Variants in DDX60L observed in about 807,000 individuals in gnomAD.
The protein encoded by DDX60L is DExD/H-box 60 like.
A neutral mutation model predicts 211.6 loss-of-function variants in DDX60L; 191 were observed. The observed-to-expected ratio is 0.90, with a 90% confidence interval of 0.80 to 1.02. The LOEUF (loss-of-function observed/expected upper bound fraction) is 1.02, where lower values mean the gene tolerates loss of function less well. DDX60L is among the 50% of genes least tolerant of loss of function. The pLI is 0.00. For missense variants in DDX60L, 2,007 were observed against 1,984.1 expected (o/e 1.01, Z -0.22); for synonymous variants, 706 against 694.1 (o/e 1.02, Z -0.27).
In DDX60L at chr4:168,456,048, A is replaced by G; in HGVS notation, c.828T>C (p.His276=). The part of the protein sequence containing the change: ...TSCSLSLRMY[H]RVLVHSNCLS... ...TGTTCTTTTTACTTACTAAGACACG[A>G]TGGTACATTCTCAAGGATAGTGAAC... is the stretch of plus-strand genomic sequence containing the variant. The change falls in exon 7 of 38, where the codon CAT becomes CAC. Residue 276 remains histidine (H), a synonymous_variant. Coordinates refer to ENST00000682922, the MANE Select transcript of DDX60L (RefSeq NM_001012967.3). 1.3e-6 allele frequency: 2 copies of G among 1,585,776 alleles called. No individual in the cohort carries two copies. The highest frequency in any genetic ancestry group is 8.6e-7 in the Non-Finnish European group (1 of 1,168,090).
chr4:168,360,296 A>C (rs1738889507), intron 37 of DDX60L, among the ~76,000 whole-genome samples: 1 of 152,212 alleles, frequency 6.6e-6, no homozygotes, highest in Non-Finnish European at 1.5e-5. Context: ...GATACATTTA[A>C]AATCTCCAAA....
intron 9 of DDX60L, among the ~76,000 whole-genome samples, chr4:168,443,520 T>C (rs370394684): frequency 7.2e-5 from 11 of 151,852 alleles, no homozygotes; most frequent in East Asian, 3.9e-4. Context: ...TCAGGAAATA[T>C]AGAGAACGCC....
intron 33 of DDX60L, 100 bp from the exon 34 acceptor site, chr4:168,375,624 C>A: frequency 9.2e-7 from 1 of 1,088,430 alleles, no homozygotes; most frequent in Non-Finnish European, 1.2e-6. Flanking sequence ...GATTGATGCT[C>A]ATTCATCAAA....
chr4:168,448,993 G>A (rs1392489828), intron 8 of DDX60L, among the ~76,000 whole-genome samples: 1 of 152,068 alleles, frequency 6.6e-6, no homozygotes. Flanking sequence ...GCTTATCCTA[G>A]TACTCATTAT....
intron 19 of DDX60L, among the ~76,000 whole-genome samples, chr4:168,418,839 G>A (rs28374046): frequency 0.015 from 2,238 of 152,302 alleles, 61 homozygotes; most frequent in African/African-American, 0.051. Flanking sequence ...ACTGGGTTTG[G>A]CCAGTGGGAA....
intron 33 of DDX60L, 93 bp from the exon 34 acceptor site, chr4:168,375,617 T>C: frequency 1.7e-6 from 2 of 1,147,364 alleles, no homozygotes; most frequent in East Asian, 6.0e-5. Flanking sequence ...TTCTGTAGAT[T>C]GATGCTCATT....
intron 29 of DDX60L, among the ~76,000 whole-genome samples, chr4:168,391,031 G>A (rs1290118238): frequency 6.6e-6 from 1 of 151,636 alleles, no homozygotes; most frequent in Non-Finnish European, 1.5e-5. Flanking sequence ...TTGGAAAACA[G>A]GTGGTCAATG....
chr4:168,410,927 C>A (rs1041707436), intron 22 of DDX60L, among the ~76,000 whole-genome samples: 3 of 151,958 alleles, frequency 2.0e-5, no homozygotes, highest in Non-Finnish European at 4.4e-5. Flanking sequence ...ACTAAGAAGC[C>A]GTAAATAGGA....
At chr4:168,427,355 G>C (rs199830269) in intron 13 of DDX60L, 33 bp from the exon 14 acceptor site, 8 of 1,590,010 alleles carry the variant, frequency 5.0e-6, no homozygotes, top group Non-Finnish European at 6.8e-6. Context: ...TATGAAACAA[G>C]TGGGAAAATT....
rs575951383 is a variant in DDX60L, at chr4:168,394,100, G to C, written c.3810+365C>G. Among the ~76,000 whole-genome samples the C allele has an allele frequency of 7.2e-5, 11 of 152,080 alleles. No homozygotes were observed. The East Asian group carries it at 1.7e-3, about 24-fold the overall frequency. On this transcript the variant is annotated intron_variant, in intron 28 of 37. Transcript: ENST00000682922. ...ATCCCAGCTACACGGGACGGCTAAAGTAGGAAAATTGATTGACGCTGGGAG... is the reference window on the plus strand; with the variant it reads ...ATCCCAGCTACACGGGACGGCTAAACTAGGAAAATTGATTGACGCTGGGAG...
chr4:168,381,928 T>C (rs1209104990), intron 30 of DDX60L, among the ~76,000 whole-genome samples: 1 of 152,126 alleles, frequency 6.6e-6, no homozygotes, highest in Non-Finnish European at 1.5e-5. Flanking sequence ...TGTACTACTC[T>C]CTCTTCCTGG....
intron 5 of DDX60L, 110 bp from the exon 6 acceptor site, chr4:168,458,118 T>A: frequency 1.7e-6 from 1 of 588,982 alleles, no homozygotes; most frequent in East Asian, 2.9e-5. Context: ...TATCTCATGC[T>A]GGTCAGAATG....
chr4:168,391,569 C>T lies in DDX60L; in HGVS notation c.3886G>A (p.Val1296Ile). ...CKSVVFAQDS[V>I]YLDALNYRQM... is the part of the protein sequence containing the mutation. Reference sequence around the variant, plus strand: ...CTGTAATTTAAAGCATCCAGATAGACTGAGTCTTGGGCAAAAACAACAGAT... The same window carrying T: ...CTGTAATTTAAAGCATCCAGATAGATTGAGTCTTGGGCAAAAACAACAGAT... The change falls in exon 29 of 38, where the codon GTC becomes ATC. Residue 1296 changes from valine to isoleucine, a missense_variant. Physicochemically the swap from Val to Ile is conservative, Grantham distance 29. Transcript: ENST00000682922. 6.2e-7 allele frequency: 1 copy of T among 1,607,386 alleles called. No individual in the cohort carries two copies. Among genetic ancestry groups the T allele is most frequent in the Admixed American group, 1.7e-5 (1 of 59,394 alleles).
intron 29 of DDX60L, chr4:168,390,571 C>G: frequency 9.7e-7 from 1 of 1,029,478 alleles, no homozygotes; most frequent in Non-Finnish European, 1.4e-6. Context: ...CAAGAATAAG[C>G]AAAATGATAA....
intron 13 of DDX60L, among the ~76,000 whole-genome samples, chr4:168,428,902 T>A (rs1218984758): frequency 6.6e-6 from 1 of 152,170 alleles, no homozygotes; most frequent in Non-Finnish European, 1.5e-5. Context: ...TAAACAAGCA[T>A]GGTCTAGTGT....
chr4:168,430,851 T>C (rs1366234254), intron 12 of DDX60L, among the ~76,000 whole-genome samples: 1 of 152,044 alleles, frequency 6.6e-6, no homozygotes, highest in Non-Finnish European at 1.5e-5. Context: ...ACCTGGACAT[T>C]GCCCCTGTCA....
chr4:168,380,984 T>C (rs1348248986), intron 30 of DDX60L, among the ~76,000 whole-genome samples: 2 of 152,164 alleles, frequency 1.3e-5, no homozygotes, highest in African/African-American at 4.8e-5. Context: ...AACTTTGAAC[T>C]TGAAAGAGAT....
rs764628273 is a variant in DDX60L, at chr4:168,415,450, A to G, written c.2937T>C (p.Tyr979=). ...HICSVKHDDV[Y]FDHFHPCAAL... Reference sequence around the variant, plus strand: ...CAGCACAGGGATGAAAATGATCAAAATAAACATCATCATGTTTTACTGAAC... The same window carrying G: ...CAGCACAGGGATGAAAATGATCAAAGTAAACATCATCATGTTTTACTGAAC... The change falls in exon 22 of 38, where the codon TAT becomes TAC. Residue 979 remains tyrosine, a synonymous_variant. Transcript: ENST00000682922. 2.5e-6 allele frequency: 4 copies of G among 1,608,298 alleles called. No individual in the cohort carries two copies. In the South Asian group the frequency reaches 4.4e-5, roughly 18 times the overall value.
chr4:168,424,548 C>T (rs1453875357), intron 14 of DDX60L, among the ~76,000 whole-genome samples: 1 of 152,164 alleles, frequency 6.6e-6, no homozygotes, highest in Admixed American at 6.5e-5. Flanking sequence ...AAGGAACCTT[C>T]AATCTAATTG....
Sources: allele counts gnomAD v4.1 joint callset (sites outside exome capture counted in the v4.1 genomes callset), GRCh38; gene constraint gnomAD v4.1.1; transcripts MANE v1.5; gene names NCBI Gene and HGNC (gene_info 2026-07-23, HGNC 2026-07-21).